The following CAPN13 variants were observed in gnomAD, a reference collection of about 807,000 sequenced individuals.
The protein encoded by CAPN13 is calpain-13.
CAPN13 carries 90 observed loss-of-function variants against 98.4 expected under a neutral mutation model. The ratio of observed to expected loss-of-function variants is 0.92; its 90% confidence interval spans 0.77 to 1.09. CAPN13 has a LOEUF of 1.09. Among genes scored for constraint, CAPN13 ranks in the 50% least tolerant of loss-of-function variants. The pLI is 0.00. For missense variants in CAPN13, 887 were observed against 841.3 expected, an observed-to-expected ratio of 1.05 and a Z score of -0.67; for synonymous variants, 330 against 305.5, an observed-to-expected ratio of 1.08 and a Z score of -0.84.
At chr2:30,784,142 T>C (rs573104723) in intron 2 of CAPN13, among the ~76,000 whole-genome samples, 2 of 151,312 alleles carry the variant, frequency 1.3e-5, no homozygotes, top group South Asian at 2.1e-4. Context: ...ATTGTGCCAC[T>C]GCACTCTAGC....
intron 2 of CAPN13, among the ~76,000 whole-genome samples, chr2:30,778,758 C>G (rs570347355): frequency 6.6e-6 from 1 of 152,120 alleles, no homozygotes; most frequent in Non-Finnish European, 1.5e-5. Flanking sequence ...AAACTCCTCC[C>G]GCTGCTTTCT....
chr2:30,800,126 A>AAGAG (rs1675142354), intron 1 of CAPN13, among the ~76,000 whole-genome samples: 1 of 133,226 alleles, frequency 7.5e-6, no homozygotes, highest in Non-Finnish European at 1.6e-5. Context: ...AAAAGAAAGA[A>AAGAG]AGAAAGAAAG....
At chr2:30,757,914 C>T (rs891290839) in intron 8 of CAPN13, 132 bp downstream of exon 8, 31 of 634,156 alleles carry the variant, frequency 4.9e-5, no homozygotes, top group Admixed American at 1.4e-4. Context: ...CCGATAGCCA[C>T]GTGTAGGTGT....
At chr2:30,762,604 C>T (rs113265794) in intron 7 of CAPN13, among the ~76,000 whole-genome samples, 6 of 152,246 alleles carry the variant, frequency 3.9e-5, no homozygotes, top group African/African-American at 9.6e-5. Flanking sequence ...AGCTCCATGT[C>T]GAGGATGGCA....
intron 1 of CAPN13, among the ~76,000 whole-genome samples, chr2:30,800,152 G>GAA (rs763600667): frequency 6.7e-6 from 1 of 148,848 alleles, no homozygotes; most frequent in Non-Finnish European, 1.5e-5. Context: ...AAGAAAGAAA[G>GAA]AAAGAAAGAA....
intron 7 of CAPN13, among the ~76,000 whole-genome samples, chr2:30,760,443 T>G (rs55880119): frequency 0.38 from 56,954 of 149,264 alleles, 10,978 homozygotes; most frequent in East Asian, 0.59. Flanking sequence ...GTGGGCATGG[T>G]GGGGAGAAAA....
At chr2:30,785,996 T>C (rs551164150) in intron 2 of CAPN13, among the ~76,000 whole-genome samples, 130 of 151,354 alleles carry the variant, frequency 8.6e-4, no homozygotes, top group African/African-American at 3.2e-3. Context: ...ACCCTTCCCT[T>C]CACCAAAGCT....
At position 30,741,899 on chromosome 2, in the gene CAPN13, G is replaced by A. The variant is rs544046764; in HGVS notation, c.1536+9C>T. On this transcript the variant is annotated intron_variant, in intron 15 of 22. Transcript: ENST00000295055. ...CCCACGTAAGGCCCCTGGGTGCTAG[G>A]TACCATACCTGCTGAGCATATCTGT... 1 of 1,613,854 alleles carries A rather than the reference G, an allele frequency of 6.2e-7. No individual in the cohort carries two copies.
rs368034405 is a variant in CAPN13 at position 30,731,402 on chromosome 2, A to G, written c.1928-3T>C. 14 of 1,607,330 alleles carry G rather than the reference A, an allele frequency of 8.7e-6. No homozygotes were observed. In the African/African-American group the frequency reaches 1.6e-4, roughly 18 times the overall value. On this transcript the variant is annotated splice_region_variant and splice_polypyrimidine_tract_variant and intron_variant, in intron 20 of 22. Coordinates refer to ENST00000295055, the MANE Select transcript of CAPN13 (RefSeq NM_144575.3). ...CTTAGAGAGGTTGCGGAAGGTCTCT[A>G]GGATAAAGAAGGGAAGGTTTTGACT...
At chr2:30,805,968 C>T (rs1383570553) in intron 1 of CAPN13, among the ~76,000 whole-genome samples, 1 of 151,926 alleles carries the variant, frequency 6.6e-6, no homozygotes, top group East Asian at 1.9e-4. Flanking sequence ...TTTGTAGAGA[C>T]AGGGTTTCAC....
At chr2:30,805,981 T>C (rs10173877) in intron 1 of CAPN13, among the ~76,000 whole-genome samples, 83,934 of 151,748 alleles carry the variant, frequency 0.55, 23,420 homozygotes, top group Middle Eastern at 0.62. Flanking sequence ...GGTTTCACCA[T>C]GTTGCCCAGG....
intron 1 of CAPN13, among the ~76,000 whole-genome samples, chr2:30,798,408 GCT>G (rs1265619333): frequency 3.3e-5 from 5 of 152,056 alleles, no homozygotes; most frequent in East Asian, 3.9e-4. Context: ...AACCTACTGA[GCT>G]CTCTCTCTGC....
intron 7 of CAPN13, among the ~76,000 whole-genome samples, chr2:30,761,442 T>C (rs1053349267): frequency 6.6e-6 from 1 of 152,148 alleles, no homozygotes; most frequent in African/African-American, 2.4e-5. Flanking sequence ...ACCCTAGGTG[T>C]TCACATAGCT....
chr2:30,770,543 T>G, intron 4 of CAPN13, 94 bp from the exon 5 acceptor site: 1 of 1,431,596 alleles, frequency 7.0e-7, no homozygotes, highest in Non-Finnish European at 9.6e-7. Context: ...ACATGACCTC[T>G]ACAATGCAAT....
Position 30,743,552 on chromosome 2 carries a change from A to C in CAPN13, c.1276T>G (p.Phe426Val), listed in dbSNP as rs377694077. 1 of 1,614,008 alleles carries C rather than the reference A, an allele frequency of 6.2e-7. No individual in the cohort carries two copies. The highest frequency in any genetic ancestry group is 1.3e-5 in the African/African-American group (1 of 75,042). The change falls in exon 13 of 23, where the codon TTT (phenylalanine) becomes GTT (valine). Residue 426 changes from phenylalanine (F) to valine (V), a missense_variant. Physicochemically the swap from Phe to Val is conservative, Grantham distance 50 (BLOSUM62 -1). Transcript: ENST00000295055. ...QRFREKFPPV[F>V]FSSFRNTVQS... ...ACAGTGTTTCTGAACGAGGAAAAAA[A>C]CACGGGTGGAAATTTCTCCCGGAAC...
intron 4 of CAPN13, among the ~76,000 whole-genome samples, chr2:30,772,568 A>G (rs1673464443): frequency 2.0e-5 from 3 of 152,184 alleles, no homozygotes; most frequent in Admixed American, 2.0e-4. Context: ...TGGATCCTCT[A>G]GCTCACTCCC....
chr2:30,792,249 TA>T (rs1371970497), intron 1 of CAPN13, among the ~76,000 whole-genome samples: 1 of 151,910 alleles, frequency 6.6e-6, no homozygotes, highest in Non-Finnish European at 1.5e-5. Context: ...AGACAACAGA[TA>T]AAATGAGCAA....
chr2:30,737,739 T>C (rs898847846), intron 17 of CAPN13: 3 of 158,982 alleles, frequency 1.9e-5, no homozygotes, highest in Admixed American at 1.8e-4. Flanking sequence ...GGGAAGTGAA[T>C]GGGTAAAAGG....
At chr2:30,726,774 T>A (rs924445094) in intron 22 of CAPN13, among the ~76,000 whole-genome samples, 8 of 152,154 alleles carry the variant, frequency 5.3e-5, no homozygotes, top group African/African-American at 1.9e-4. Flanking sequence ...ATTGTGAAGA[T>A]GGCAATATTC....
Sources: gnomAD v4.1 joint callset for allele counts (sites outside exome capture counted in the v4.1 genomes callset) on GRCh38, gnomAD v4.1.1 for gene constraint, MANE v1.5 for transcripts, NCBI Gene and HGNC (gene_info 2026-07-23, HGNC 2026-07-21) for gene names.